ST6GALNAC3: variants seen among roughly 807,000 people sequenced by gnomAD.
The protein encoded by ST6GALNAC3 is ST6 N-acetylgalactosaminide alpha-2,6-sialyltransferase 3.
Under a neutral mutation model 32.7 loss-of-function variants are expected in ST6GALNAC3, and 25 were observed. The observed-to-expected ratio is 0.76, with a 90% confidence interval of 0.56 to 1.07. The LOEUF (loss-of-function observed/expected upper bound fraction) is 1.07, where lower values mean the gene tolerates loss of function less well. Ranked by LOEUF, ST6GALNAC3 falls within the 50% of genes least tolerant of loss-of-function variation. ST6GALNAC3 has a pLI of 0.00. For synonymous variants in ST6GALNAC3, 129 were observed against 133.1 expected, an observed-to-expected ratio of 0.97 and a Z score of 0.21; for missense variants, 355 against 382.4, an observed-to-expected ratio of 0.93 and a Z score of 0.60.
At chr1:76,207,412 G>T (rs1348624930) in intron 1 of ST6GALNAC3, among the ~76,000 whole-genome samples, 1 of 152,346 alleles carries the variant, frequency 6.6e-6, no homozygotes, top group East Asian at 1.9e-4. Flanking sequence ...TAAAGGTAGT[G>T]TCTTCGTTAG....
rs191549647 is a variant in ST6GALNAC3 at position 76,346,366 on chromosome 1, G to T, written c.213+32367G>T. Among the ~76,000 whole-genome samples, 8 of 152,232 alleles carry T rather than the reference G, an allele frequency of 5.3e-5. No individual in the cohort carries two copies. The East Asian group carries it at 1.5e-3, about 29-fold the overall frequency. ...CCATGCTTTCAACCACTGTGCTAGA[G>T]GATTCCCCAACGGCTTTCCACACTG... On this transcript the variant is annotated intron_variant, in intron 2 of 4. Coordinates refer to ENST00000328299, the MANE Select transcript of ST6GALNAC3 (RefSeq NM_152996.4).
chr1:76,394,235 A>G (rs921554115), intron 2 of ST6GALNAC3, among the ~76,000 whole-genome samples: 3 of 152,226 alleles, frequency 2.0e-5, no homozygotes, highest in African/African-American at 2.4e-5. Context: ...ATCTGATGAC[A>G]GAGCCAATGC....
At chr1:76,608,035 G>A (rs765445998) in intron 3 of ST6GALNAC3, among the ~76,000 whole-genome samples, 24 of 152,194 alleles carry the variant, frequency 1.6e-4, no homozygotes, top group Non-Finnish European at 3.2e-4. Context: ...ATAGGCCTGT[G>A]ACAGACTCCA....
chr1:76,402,748 C>T (rs916828002), intron 2 of ST6GALNAC3, among the ~76,000 whole-genome samples: 2 of 152,122 alleles, frequency 1.3e-5, no homozygotes, highest in African/African-American at 2.4e-5. Flanking sequence ...TTAACACTTG[C>T]TTCCTTTTAG....
intron 1 of ST6GALNAC3, among the ~76,000 whole-genome samples, chr1:76,258,106 C>A (rs1658020118): frequency 6.6e-6 from 1 of 152,170 alleles, no homozygotes; most frequent in Admixed American, 6.5e-5. Flanking sequence ...GGTTTCAATA[C>A]TCTAACAGAT....
chr1:76,292,942 T>A (rs1660182477), intron 1 of ST6GALNAC3, among the ~76,000 whole-genome samples: 1 of 152,134 alleles, frequency 6.6e-6, no homozygotes, highest in African/African-American at 2.4e-5. Flanking sequence ...AATAAACATG[T>A]CAACTCCCTC....
chr1:76,524,523 C>T (rs181407000), intron 3 of ST6GALNAC3, among the ~76,000 whole-genome samples: 12 of 152,146 alleles, frequency 7.9e-5, no homozygotes, highest in African/African-American at 2.9e-4. Context: ...TTCATGCTTA[C>T]CATAATACTT....
rs113352309 is a variant in ST6GALNAC3 at position 76,164,972 on chromosome 1, G to T, written c.18+90088G>T. On this transcript the variant is annotated intron_variant, in intron 1 of 4. Transcript: ENST00000328299. ...TTAAGATTTAACTTTTAAGTTCAGGGGTACATGTGCATATTTGCTATATAG... is the reference window on the plus strand; with the variant it reads ...TTAAGATTTAACTTTTAAGTTCAGGTGTACATGTGCATATTTGCTATATAG... Among the ~76,000 whole-genome samples, 169 of 152,186 alleles carry T rather than the reference G, an allele frequency of 1.1e-3. 1 individual carries two copies. Among genetic ancestry groups the T allele is most frequent in the African/African-American group, 4.0e-3 (164 of 41,518 alleles).
chr1:76,150,817 A>G (rs1650994897), intron 1 of ST6GALNAC3, among the ~76,000 whole-genome samples: 1 of 152,236 alleles, frequency 6.6e-6, no homozygotes, highest in Non-Finnish European at 1.5e-5. Flanking sequence ...GTCTGTGTGC[A>G]TGTGGACTGG....
intron 3 of ST6GALNAC3, among the ~76,000 whole-genome samples, chr1:76,489,696 C>A (rs1468664154): frequency 1.3e-5 from 2 of 152,110 alleles, no homozygotes; most frequent in Non-Finnish European, 2.9e-5. Flanking sequence ...GGAGGGGTCA[C>A]GGGACTTAGG....
intron 3 of ST6GALNAC3, among the ~76,000 whole-genome samples, chr1:76,524,848 G>C (rs1255088191): frequency 6.6e-6 from 1 of 150,960 alleles, no homozygotes; most frequent in Non-Finnish European, 1.5e-5. Context: ...TTAATCATCT[G>C]GTCCCTCTAG....
At chr1:76,444,100 G>C (rs1656803043) in intron 3 of ST6GALNAC3, among the ~76,000 whole-genome samples, 2 of 152,234 alleles carry the variant, frequency 1.3e-5, no homozygotes, top group South Asian at 4.1e-4. Context: ...TGACAGACTT[G>C]GTCAACTACC....
At chr1:76,344,732 A>C (rs1442886540) in intron 2 of ST6GALNAC3, among the ~76,000 whole-genome samples, 2 of 152,236 alleles carry the variant, frequency 1.3e-5, no homozygotes, top group African/African-American at 4.8e-5. Context: ...AATGAGAAAA[A>C]TATACACTAA....
At chr1:76,475,667 ATGT>A (rs762202952) in intron 3 of ST6GALNAC3, among the ~76,000 whole-genome samples, 5 of 152,024 alleles carry the variant, frequency 3.3e-5, no homozygotes, top group African/African-American at 4.8e-5. Flanking sequence ...TAGGGTACAA[ATGT>A]TGTTGTTTCA....
intron 1 of ST6GALNAC3, among the ~76,000 whole-genome samples, chr1:76,230,040 C>G (rs1450091823): frequency 6.6e-6 from 1 of 152,182 alleles, no homozygotes; most frequent in African/African-American, 2.4e-5. Context: ...AGGGCTAGCA[C>G]TTGCTTATAG....
chr1:76,571,570 C>G lies in ST6GALNAC3; in HGVS notation c.624-55882C>G, dbSNP rs112474338. Among the ~76,000 whole-genome samples, 930 of 152,172 alleles carry G rather than the reference C, an allele frequency of 6.1e-3. 5 individuals carry two copies. The highest frequency in any genetic ancestry group is 0.021 in the African/African-American group (891 of 41,530). ...CCTTTATTTTAAACCTTCTGAGCAT[C>G]AGAAGTATTTACTATCTTATATTAT... is the stretch of plus-strand genomic sequence containing the variant. On this transcript the variant is annotated intron_variant, in intron 3 of 4. Transcript: ENST00000328299.
intron 1 of ST6GALNAC3, among the ~76,000 whole-genome samples, chr1:76,126,623 A>T (rs1277857580): frequency 6.6e-6 from 1 of 152,198 alleles, no homozygotes; most frequent in African/African-American, 2.4e-5. Flanking sequence ...CACTCAGCAG[A>T]ACAGAGTGTG....
chr1:76,385,190 G>A (rs1652000567), intron 2 of ST6GALNAC3, among the ~76,000 whole-genome samples: 1 of 152,002 alleles, frequency 6.6e-6, no homozygotes, highest in African/African-American at 2.4e-5. Flanking sequence ...AGAAAGATGG[G>A]CAAACATTAC....
intron 3 of ST6GALNAC3, among the ~76,000 whole-genome samples, chr1:76,480,127 A>G (rs1436545018): frequency 1.3e-5 from 2 of 152,282 alleles, no homozygotes; most frequent in East Asian, 3.9e-4. Flanking sequence ...TGTGACATCA[A>G]TTTGTTTTAA....
Sources: allele counts gnomAD v4.1 joint callset (sites outside exome capture counted in the v4.1 genomes callset), GRCh38; gene constraint gnomAD v4.1.1; transcripts MANE v1.5; gene names NCBI Gene and HGNC (gene_info 2026-07-23, HGNC 2026-07-21).